The following SH3GL3 variants were observed in gnomAD, a reference collection of about 807,000 sequenced individuals.
SH3GL3 encodes the protein endophilin-A3.
Under a neutral mutation model 47.7 loss-of-function variants are expected in SH3GL3, and 33 were observed. The observed-to-expected ratio is 0.69, with a 90% CI of 0.52 to 0.92. The LOEUF (loss-of-function observed/expected upper bound fraction) is 0.92. Ranked by LOEUF, SH3GL3 falls within the 40% of genes least tolerant of loss-of-function variation. The probability of loss-of-function intolerance (pLI) is 0.00; values close to 1 mark genes in which losing one functional copy is unlikely to be tolerated. For missense variants in SH3GL3, 363 were observed against 417.8 expected (o/e 0.87, Z 1.14); for synonymous variants, 155 against 148.8 (o/e 1.04, Z -0.30).
the SH3GL3 span, among the ~76,000 whole-genome samples, chr15:83,631,686 G>A: frequency 6.6e-6 from 1 of 152,198 alleles, no homozygotes; most frequent in Admixed American, 6.5e-5. Context: ...ATCATGGCCT[G>A]AGGCTGCATA....
At chr15:83,594,171 T>A (rs532132689) in intron 8 of SH3GL3, among the ~76,000 whole-genome samples, 12 of 152,298 alleles carry the variant, frequency 7.9e-5, no homozygotes, top group African/African-American at 2.6e-4. Flanking sequence ...TCATAAATAG[T>A]TTGAAGAGAG....
At chr15:83,485,941 G>T (rs998181192) in intron 1 of SH3GL3, among the ~76,000 whole-genome samples, 1 of 152,132 alleles carries the variant, frequency 6.6e-6, no homozygotes, top group East Asian at 1.9e-4. Context: ...TTAACATTTT[G>T]CCATCTTTGG....
At chr15:83,592,792 C>A (rs535853994) in intron 8 of SH3GL3, among the ~76,000 whole-genome samples, 1 of 152,332 alleles carries the variant, frequency 6.6e-6, no homozygotes, top group African/African-American at 2.4e-5. Context: ...CCTTTTTAAT[C>A]TCCATCTTCT....
At chr15:83,621,586 G>GA (rs543942659), downstream of SH3GL3, among the ~76,000 whole-genome samples, 60 of 152,104 alleles carry the variant, frequency 3.9e-4, no homozygotes, top group East Asian at 0.011. Context: ...ATATGATAAT[G>GA]AAAAAGTTTA....
chr15:83,596,217 A>T (rs990623340), intron 8 of SH3GL3, among the ~76,000 whole-genome samples: 7 of 152,076 alleles, frequency 4.6e-5, no homozygotes, highest in African/African-American at 1.7e-4. Context: ...ATTTAATTCC[A>T]TTTTTTATCA....
At chr15:83,524,352 A>C (rs2043330678) in intron 1 of SH3GL3, among the ~76,000 whole-genome samples, 1 of 152,232 alleles carries the variant, frequency 6.6e-6, no homozygotes, top group African/African-American at 2.4e-5. Flanking sequence ...TGCCTTTCAC[A>C]TGTAACTTTC....
intron 1 of SH3GL3, among the ~76,000 whole-genome samples, chr15:83,532,472 A>T (rs2043723161): frequency 6.6e-6 from 1 of 152,180 alleles, no homozygotes; most frequent in South Asian, 2.1e-4. Context: ...GGCCAAGGGA[A>T]GGGGTGGTTT....
intron 8 of SH3GL3, among the ~76,000 whole-genome samples, chr15:83,614,262 A>G (rs78477989): frequency 0.011 from 1,668 of 152,272 alleles, 31 homozygotes; most frequent in African/African-American, 0.038. Context: ...AATCCCCAAT[A>G]TTTACAGCCT....
At chr15:83,541,942 G>T (rs1206200870) in intron 1 of SH3GL3, among the ~76,000 whole-genome samples, 1 of 152,044 alleles carries the variant, frequency 6.6e-6, no homozygotes, top group Non-Finnish European at 1.5e-5. Context: ...ATGTTGAAAA[G>T]CCTTTGCTAT....
chr15:83,502,936 G>C (rs2042352998), intron 1 of SH3GL3, among the ~76,000 whole-genome samples: 1 of 152,090 alleles, frequency 6.6e-6, no homozygotes, highest in South Asian at 2.1e-4. Flanking sequence ...GTGACCAGAG[G>C]CTTGAAAGAA....
At chr15:83,475,014 G>A (rs968106263) in intron 1 of SH3GL3, among the ~76,000 whole-genome samples, 1 of 151,786 alleles carries the variant, frequency 6.6e-6, no homozygotes, top group East Asian at 1.9e-4. Context: ...CAGGATGCAA[G>A]AATAGGTATT....
At chr15:83,468,404 A>G (rs1419512522) in intron 1 of SH3GL3, among the ~76,000 whole-genome samples, 2 of 152,172 alleles carry the variant, frequency 1.3e-5, no homozygotes, top group Non-Finnish European at 2.9e-5. Flanking sequence ...CATTATTTGA[A>G]TAAGAGTAGT....
At chr15:83,609,763 C>T (rs1273397583) in intron 8 of SH3GL3, among the ~76,000 whole-genome samples, 5 of 152,240 alleles carry the variant, frequency 3.3e-5, no homozygotes, top group Non-Finnish European at 4.4e-5. Context: ...ATGCCCCTTG[C>T]GCCACTGACC....
At chr15:83,583,226 A>G (rs2059876558) in intron 6 of SH3GL3, among the ~76,000 whole-genome samples, 1 of 152,162 alleles carries the variant, frequency 6.6e-6, no homozygotes, top group African/African-American at 2.4e-5. Flanking sequence ...AGCTACTCAC[A>G]TCACAGTTCT....
intron 1 of SH3GL3, among the ~76,000 whole-genome samples, chr15:83,530,214 T>C (rs904574747): frequency 6.6e-6 from 1 of 152,072 alleles, no homozygotes; most frequent in African/African-American, 2.4e-5. Flanking sequence ...TGTAGAGCAC[T>C]GTTAGTTCTC....
At chr15:83,567,659 T>C (rs1264844467) in intron 3 of SH3GL3, among the ~76,000 whole-genome samples, 2 of 152,128 alleles carry the variant, frequency 1.3e-5, no homozygotes, top group African/African-American at 4.8e-5. Context: ...CTGCCTGCCA[T>C]AATACTGAAA....
intron 1 of SH3GL3, chr15:83,490,651 CT>C: frequency 2.1e-6 from 2 of 950,406 alleles, no homozygotes; most frequent in Non-Finnish European, 3.0e-6. Flanking sequence ...TGGTCACTGG[CT>C]TTCTATCTGG....
At chr15:83,526,565 C>T (rs1298433160) in intron 1 of SH3GL3, among the ~76,000 whole-genome samples, 1 of 151,990 alleles carries the variant, frequency 6.6e-6, no homozygotes, top group African/African-American at 2.4e-5. Flanking sequence ...AACACAGGAA[C>T]AAAAAACCAA....
the SH3GL3 span, among the ~76,000 whole-genome samples, chr15:83,633,689 A>G: frequency 6.6e-6 from 1 of 152,326 alleles, no homozygotes; most frequent in Non-Finnish European, 1.5e-5. Flanking sequence ...TCTGTATGCC[A>G]TTCATGCCAA....
Sources: gnomAD v4.1 joint callset for allele counts (sites outside exome capture counted in the v4.1 genomes callset) on GRCh38, gnomAD v4.1.1 for gene constraint, MANE v1.5 for transcripts, NCBI Gene and HGNC (gene_info 2026-07-23, HGNC 2026-07-21) for gene names.